Variants in PCNT observed in about 807,000 individuals in gnomAD.
PCNT encodes pericentrin.
PCNT carries 319 observed loss-of-function variants against 380.4 expected under a neutral mutation model. That is an observed-to-expected ratio of 0.84 (90% CI 0.77 to 0.92). The LOEUF (loss-of-function observed/expected upper bound fraction) is 0.92. PCNT is among the 40% of genes least tolerant of loss of function. PCNT has a pLI of 0.00. For missense variants in PCNT, 4,400 were observed against 4,255.3 expected (o/e 1.03, Z -0.95); for synonymous variants, 1,845 against 1,735.2 (o/e 1.06, Z -1.57).
intron 17 of PCNT, among the ~76,000 whole-genome samples, chr21:46,387,413 T>C (rs1006195034): frequency 3.9e-5 from 6 of 152,102 alleles, no homozygotes; most frequent in African/African-American, 1.4e-4. Context: ...CGGTCTGTGC[T>C]CTTAACTCGA....
intron 2 of PCNT, among the ~76,000 whole-genome samples, chr21:46,326,967 C>T (rs1324303948): frequency 1.3e-5 from 2 of 150,770 alleles, no homozygotes; most frequent in East Asian, 2.0e-4. Context: ...GAGCCGAGAT[C>T]ACGCCAATGC....
intron 9 of PCNT, among the ~76,000 whole-genome samples, chr21:46,352,237 G>A (rs143561519): frequency 3.3e-5 from 5 of 152,364 alleles, no homozygotes; most frequent in Non-Finnish European, 5.9e-5. Flanking sequence ...GAAGCAAAGA[G>A]CACTTAGGAG....
chr21:46,345,115 C>T (rs1379832338), intron 3 of PCNT, among the ~76,000 whole-genome samples: 2 of 152,204 alleles, frequency 1.3e-5, no homozygotes, highest in Non-Finnish European at 2.9e-5. Context: ...TCTCTGTAGG[C>T]GTCATTTCCG....
At chr21:46,369,985 G>C (rs2085060481) in intron 15 of PCNT, among the ~76,000 whole-genome samples, 1 of 152,232 alleles carries the variant, frequency 6.6e-6, no homozygotes, top group Admixed American at 6.5e-5. Context: ...GGTGCTGGGG[G>C]AGCTACAGGT....
At chr21:46,334,919 C>G (rs2083684183) in intron 3 of PCNT, 151 bp downstream of exon 3, 1 of 1,285,378 alleles carries the variant, frequency 7.8e-7, no homozygotes, top group African/African-American at 1.5e-5. Context: ...GGCAGAGGCT[C>G]ACCCTGTAGG....
intron 22 of PCNT, 51 bp downstream of exon 22, chr21:46,397,545 C>T (rs758869583): frequency 2.1e-6 from 3 of 1,440,882 alleles, no homozygotes; most frequent in South Asian, 2.3e-5. Flanking sequence ...GTTGCCGTTA[C>T]AGCATGAACT....
intron 27 of PCNT, among the ~76,000 whole-genome samples, chr21:46,403,383 T>TTG (rs1223557772): frequency 8.9e-6 from 1 of 111,940 alleles, no homozygotes; most frequent in African/African-American, 3.7e-5. Context: ...CGTGGGAGAA[T>TTG]TGTGTGTGTG....
chr21:46,420,651 C>A, intron 31 of PCNT: 1 of 152,576 alleles, frequency 6.6e-6, no homozygotes, highest in South Asian at 2.0e-4. Flanking sequence ...GAGCTCTGAC[C>A]ACCCGCTGGC....
At chr21:46,402,560 T>C in intron 27 of PCNT, 77 bp downstream of exon 27, 1 of 1,502,728 alleles carries the variant, frequency 6.7e-7, no homozygotes, top group African/African-American at 1.4e-5. Context: ...AAGACCCTCA[T>C]CGGGGAGGCG....
At chr21:46,343,301 T>C (rs2083961532) in intron 3 of PCNT, among the ~76,000 whole-genome samples, 2 of 152,210 alleles carry the variant, frequency 1.3e-5, no homozygotes, top group African/African-American at 4.8e-5. Flanking sequence ...TGGCTTTTAT[T>C]GTCCCTTCTA....
intron 29 of PCNT, among the ~76,000 whole-genome samples, chr21:46,413,494 TC>T (rs1486173216): frequency 2.0e-5 from 3 of 152,244 alleles, no homozygotes; most frequent in African/African-American, 7.2e-5. Context: ...CTGAATCCTT[TC>T]TGTTCTGTAA....
At chr21:46,424,153 ACGCTCTAATAGC>A (rs2087389727) in intron 32 of PCNT, among the ~76,000 whole-genome samples, 3 of 152,162 alleles carry the variant, frequency 2.0e-5, no homozygotes, top group Admixed American at 2.0e-4. Flanking sequence ...AGTGTGGTCG[ACGCTCTAATAGC>A]CCCTGTGGTC....
At chr21:46,363,333 A>T in intron 13 of PCNT, 147 bp from the exon 14 acceptor site, 1 of 700,182 alleles carries the variant, frequency 1.4e-6, no homozygotes. Flanking sequence ...TGTCATCAAC[A>T]TGAGAATCAT....
intron 27 of PCNT, among the ~76,000 whole-genome samples, chr21:46,404,589 GGGCCTTGGCTTTCCA>G (rs1291037967): frequency 6.8e-4 from 103 of 152,310 alleles, no homozygotes; most frequent in African/African-American, 2.3e-3. Context: ...TGATTGACTG[GGGCCTTGGCTTTCCA>G]GGATGACAGT....
At chr21:46,376,144 G>T (rs1045114329) in intron 15 of PCNT, among the ~76,000 whole-genome samples, 3 of 152,180 alleles carry the variant, frequency 2.0e-5, no homozygotes, top group African/African-American at 7.2e-5. Flanking sequence ...GGGCTAGAGC[G>T]TGGCACCAGC....
At chr21:46,330,452 CTAAG>C (rs947082688) in intron 2 of PCNT, among the ~76,000 whole-genome samples, 1 of 152,128 alleles carries the variant, frequency 6.6e-6, no homozygotes, top group African/African-American at 2.4e-5. Flanking sequence ...TATAGGTAAA[CTAAG>C]TAGTATGTGT....
At chr21:46,406,166 G>T (rs116310457) in intron 27 of PCNT, among the ~76,000 whole-genome samples, 2 of 152,176 alleles carry the variant, frequency 1.3e-5, no homozygotes, top group South Asian at 4.1e-4. Flanking sequence ...TCTCCCTGGC[G>T]TGGTCGTGGT....
In PCNT at chr21:46,428,553, G is replaced by T; in HGVS notation, c.7653G>T (p.Ala2551=). The change falls in exon 35 of 47, where the codon GCG becomes GCT. Residue 2551 remains alanine, a synonymous_variant. Coordinates refer to ENST00000359568, the MANE Select transcript of PCNT (RefSeq NM_006031.6). ...HLRTALTSAE[A]RGSQQEHQLR... ...GCACGGCGCTGACAAGCGCAGAGGC[G>T]CGCGGGAGCCAGCAGGAGCACCAGC... 3.1e-6 allele frequency: 5 copies of T among 1,606,662 alleles called. No individual in the cohort carries two copies. The highest frequency in any genetic ancestry group is 4.2e-6 in the Non-Finnish European group (5 of 1,179,358).
chr21:46,324,421 T>C, intron 1 of PCNT, 139 bp downstream of exon 1: 2 of 783,594 alleles, frequency 2.6e-6, no homozygotes, highest in South Asian at 1.5e-5. Context: ...TCCCGCCGGC[T>C]CCGCTGGAAG....
Sources: allele counts gnomAD v4.1 joint callset (sites outside exome capture counted in the v4.1 genomes callset), GRCh38; gene constraint gnomAD v4.1.1; transcripts MANE v1.5; gene names NCBI Gene and HGNC (gene_info 2026-07-23, HGNC 2026-07-21).